RAP1B: variants seen among roughly 807,000 people sequenced by gnomAD.
The protein encoded by RAP1B is ras-related protein Rap-1b.
In RAP1B, 1 loss-of-function variant was observed where a neutral mutation model predicts 27.5. The ratio of observed to expected loss-of-function variants is 0.04; its 90% confidence interval spans 0.01 to 0.17. The LOEUF (loss-of-function observed/expected upper bound fraction) is 0.17, where lower values mean the gene tolerates loss of function less well. RAP1B is among the 10% of genes least tolerant of loss of function. The probability of loss-of-function intolerance (pLI) is 1.00; values close to 1 mark genes in which losing one functional copy is unlikely to be tolerated. For synonymous variants in RAP1B, 75 were observed against 73.1 expected (o/e 1.03, Z -0.13); for missense variants, 84 against 214.8 (o/e 0.39, Z 3.81).
intron 1 of RAP1B, chr12:68,626,735 T>C: frequency 2.5e-6 from 2 of 792,664 alleles, no homozygotes; most frequent in South Asian, 1.6e-5. Flanking sequence ...GGTAAAGGTC[T>C]TAAGGAAGAG....
At position 68,656,419 on chromosome 12, in the gene RAP1B, T is replaced by C. The variant is rs138696580; in HGVS notation, c.438T>C (p.Ser146=). The part of the protein sequence containing the change: ...RQWNNCAFLE[S]SAKSKINVNE... ...GGAACAACTGTGCATTCTTAGAATC[T>C]TCTGCAAAATCAAAAATAAATGTTA... The change falls in exon 6 of 8, where the codon TCT becomes TCC. Residue 146 remains serine, a synonymous_variant. Coordinates refer to ENST00000250559, the MANE Select transcript of RAP1B (RefSeq NM_001010942.3). The C allele has an allele frequency of 1.2e-4, 200 of 1,611,410 alleles. No homozygotes were observed. The African/African-American group carries it at 2.1e-3, about 17-fold the overall frequency.
At chr12:68,652,084 C>T (rs201606492) in intron 4 of RAP1B, 33 bp downstream of exon 4, 49 of 1,507,358 alleles carry the variant, frequency 3.3e-5, no homozygotes, top group African/African-American at 1.4e-4. Context: ...GTATATACAC[C>T]GTTTGTACAG....
At chr12:68,628,174 C>G (rs1396798390) in intron 1 of RAP1B, among the ~76,000 whole-genome samples, 1 of 152,126 alleles carries the variant, frequency 6.6e-6, no homozygotes, top group African/African-American at 2.4e-5. Context: ...GGCACAAGTA[C>G]TTGACCTAGG....
At chr12:68,614,702 A>G (rs1476267974) in intron 1 of RAP1B, among the ~76,000 whole-genome samples, 1 of 152,234 alleles carries the variant, frequency 6.6e-6, no homozygotes, top group Non-Finnish European at 1.5e-5. Flanking sequence ...AAGTTAAGAC[A>G]TTTTGGCTGA....
At position 68,667,722 on chromosome 12, in the gene RAP1B, C is replaced by T. The variant is rs1007871986; in HGVS notation, c.*8473C>T. 1.3e-5 allele frequency: 2 copies of T among 152,204 alleles called. No individual in the cohort carries two copies. The highest frequency in any genetic ancestry group is 6.5e-5 in the Admixed American group (1 of 15,276). 9.4% of individuals were successfully genotyped at this position (152,204 alleles called of 1,614,324 possible). A position where few individuals can be genotyped will look rare whatever the true frequency, so the allele number is the denominator to read the frequency against. On this transcript the variant is annotated 3_prime_UTR_variant, in exon 8 of 8. Coordinates refer to ENST00000250559, the MANE Select transcript of RAP1B (RefSeq NM_001010942.3). ...TAAGAGCTGTTGTGGAAAAAGTTCT[C>T]ACTTCACTTACTCATTCCTTTGCAT...
chr12:68,646,701 A>T (rs1325148283), intron 1 of RAP1B, among the ~76,000 whole-genome samples: 2 of 152,218 alleles, frequency 1.3e-5, no homozygotes, highest in African/African-American at 4.8e-5. Context: ...TTGGATGCTC[A>T]TATTTCCTTT....
chr12:68,612,743 A>G (rs935193911), intron 1 of RAP1B, among the ~76,000 whole-genome samples: 8 of 152,342 alleles, frequency 5.3e-5, no homozygotes, highest in Admixed American at 1.3e-4. Flanking sequence ...TTAAGCACAC[A>G]GAGCCTGAAT....
chr12:68,627,583 A>G (rs556809589), intron 1 of RAP1B, among the ~76,000 whole-genome samples: 6 of 152,200 alleles, frequency 3.9e-5, no homozygotes, highest in African/African-American at 1.4e-4. Context: ...CTTTTGTTTT[A>G]CCCACTTTTC....
chr12:68,664,791 T>C lies in RAP1B; in HGVS notation c.*5542T>C, dbSNP rs2135980409. On this transcript the variant is annotated 3_prime_UTR_variant, in exon 8 of 8. Coordinates refer to ENST00000250559, the MANE Select transcript of RAP1B (RefSeq NM_001010942.3). ...TGGGAAAGACCAGTCAAATAAACTA[T>C]CAGATCTAATAACTTTTCTAACCAT... 6.6e-6 allele frequency: 1 copy of C among 152,314 alleles called. No individual in the cohort carries two copies. The highest frequency in any genetic ancestry group is 6.5e-5 in the Admixed American group (1 of 15,296). The allele number at this position is 152,314 out of a possible 1,614,324, so 9.4% of individuals were successfully genotyped here. A position where few individuals can be genotyped will look rare whatever the true frequency, so the allele number is the denominator to read the frequency against.
intron 1 of RAP1B, among the ~76,000 whole-genome samples, chr12:68,628,540 G>T (rs1871991780): frequency 6.6e-6 from 1 of 152,144 alleles, no homozygotes; most frequent in Non-Finnish European, 1.5e-5. Context: ...AGAAAATTTA[G>T]CAAAAACTTT....
chr12:68,648,733 G>A lies in RAP1B; in HGVS notation c.9G>A (p.Glu3=), dbSNP rs773961548. Residue 3 remains glutamate (E), a synonymous_variant, in exon 2 of 8, where the codon GAG becomes GAA. Transcript: ENST00000250559. The part of the protein sequence containing the change: MR[E]YKLVVLGSGG... ...TTTGACAAGCTTGCATCATGCGTGA[G>A]TATAAGCTAGTCGTTCTTGGCTCAG... 1 of 1,611,668 alleles carries A rather than the reference G, an allele frequency of 6.2e-7. No homozygotes were observed. Among genetic ancestry groups the A allele is most frequent in the Non-Finnish European group, 8.5e-7 (1 of 1,179,474 alleles).
intron 1 of RAP1B, among the ~76,000 whole-genome samples, chr12:68,627,561 T>C (rs1871895706): frequency 6.6e-6 from 1 of 152,206 alleles, no homozygotes; most frequent in Admixed American, 6.5e-5. Flanking sequence ...CCTCTCGTTA[T>C]TCCCAGCGTG....
chr12:68,654,605 G>A (rs1874070113), intron 5 of RAP1B, among the ~76,000 whole-genome samples: 1 of 151,724 alleles, frequency 6.6e-6, no homozygotes, highest in Non-Finnish European at 1.5e-5. Context: ...AGCCTCCCGG[G>A]TAGCTGGGAC....
At chr12:68,653,874 T>C (rs1874000790) in intron 4 of RAP1B, among the ~76,000 whole-genome samples, 1 of 151,760 alleles carries the variant, frequency 6.6e-6, no homozygotes, top group Non-Finnish European at 1.5e-5. Flanking sequence ...GAGGTTGCAG[T>C]GAGCCGAGGT....
In RAP1B at chr12:68,665,368, G is replaced by A. The variant is rs888096024; in HGVS notation, c.*6119G>A. ...TATTTTCTGTGCAGTCAGATTTGAA[G>A]GGTTGGACCTTGGAGTTACTGACAT... On this transcript the variant is annotated 3_prime_UTR_variant, in exon 8 of 8. Coordinates refer to ENST00000250559, the MANE Select transcript of RAP1B (RefSeq NM_001010942.3). 2.6e-5 allele frequency: 4 copies of A among 152,220 alleles called. No homozygotes were observed. Among genetic ancestry groups the A allele is most frequent in the African/African-American group, 9.6e-5 (4 of 41,452 alleles). 9.4% of individuals were successfully genotyped at this position (152,220 alleles called of 1,614,324 possible).
chr12:68,623,619 C>T (rs948566033), intron 1 of RAP1B, among the ~76,000 whole-genome samples: 23 of 152,190 alleles, frequency 1.5e-4, no homozygotes, highest in African/African-American at 5.1e-4. Context: ...AGTCTCCCAT[C>T]AGTGCTCAGG....
intron 1 of RAP1B, among the ~76,000 whole-genome samples, chr12:68,611,701 T>G (rs1360888215): frequency 6.6e-6 from 1 of 152,076 alleles, no homozygotes; most frequent in Non-Finnish European, 1.5e-5. Flanking sequence ...CCCCACTTAG[T>G]CTGGCAGCAG....
intron 1 of RAP1B, among the ~76,000 whole-genome samples, chr12:68,637,591 C>T (rs528546312): frequency 1.5e-5 from 1 of 65,020 alleles, no homozygotes; most frequent in African/African-American, 5.9e-5. Context: ...AAGAGTAAAA[C>T]TCCATCTCAA....
rs377116953 is a variant in RAP1B at position 68,666,088 on chromosome 12, T to G, written c.*6839T>G. On this transcript the variant is annotated 3_prime_UTR_variant, in exon 8 of 8. Transcript: ENST00000250559. ...GGCTGGTCTTGAACTCCTGACCTCG[T>G]GATCCATCTGCTTCAGCCTCCCAAA... 6.6e-6 allele frequency: 1 copy of G among 152,388 alleles called. No individual in the cohort carries two copies. The highest frequency in any genetic ancestry group is 1.9e-4 in the East Asian group (1 of 5,190). The allele number at this position is 152,388 out of a possible 1,614,324, so 9.4% of individuals were successfully genotyped here.
Sources: gnomAD v4.1 joint callset for allele counts (sites outside exome capture counted in the v4.1 genomes callset) on GRCh38, gnomAD v4.1.1 for gene constraint, MANE v1.5 for transcripts, NCBI Gene and HGNC (gene_info 2026-07-23, HGNC 2026-07-21) for gene names.